The following RNF175 variants were observed in gnomAD, a reference collection of about 807,000 sequenced individuals.
RNF175 encodes the protein ring finger protein 175.
Under a neutral mutation model 50.0 loss-of-function variants are expected in RNF175, and 38 were observed. That is an observed-to-expected ratio of 0.76 (90% confidence interval 0.59 to 1.00). The LOEUF (loss-of-function observed/expected upper bound fraction) is 1.00. RNF175 is among the 50% of genes least tolerant of loss of function. RNF175 has a pLI of 0.00. For synonymous variants in RNF175, 155 were observed against 146.1 expected (o/e 1.06, Z -0.44); for missense variants, 388 against 409.6 (o/e 0.95, Z 0.46).
chr4:153,737,557 T>TG (rs1739416894), intron 3 of RNF175, among the ~76,000 whole-genome samples: 1 of 152,224 alleles, frequency 6.6e-6, no homozygotes, highest in Non-Finnish European at 1.5e-5. Flanking sequence ...GTTTCTTCTT[T>TG]GACCCATGTG....
intron 3 of RNF175, among the ~76,000 whole-genome samples, chr4:153,745,428 C>A (rs775598450): frequency 3.9e-5 from 6 of 152,216 alleles, no homozygotes; most frequent in Admixed American, 6.5e-5. Flanking sequence ...GTATGACTCT[C>A]TGGCTCTGGT....
chr4:153,729,222 T>C (rs1738895358), intron 3 of RNF175, among the ~76,000 whole-genome samples: 1 of 152,248 alleles, frequency 6.6e-6, no homozygotes, highest in Admixed American at 6.5e-5. Flanking sequence ...CACCTATTAT[T>C]TGCTCAGAAT....
At chr4:153,728,970 T>C (rs528749043) in intron 3 of RNF175, among the ~76,000 whole-genome samples, 1 of 152,336 alleles carries the variant, frequency 6.6e-6, no homozygotes, top group African/African-American at 2.4e-5. Flanking sequence ...TCTGTGCCAT[T>C]GACCTGAGTC....
chr4:153,759,935 C>G lies in RNF175; in HGVS notation c.-73G>C, dbSNP rs1740750360. 1.1e-6 allele frequency: 1 copy of G among 904,748 alleles called. No individual in the cohort carries two copies. Among genetic ancestry groups the G allele is most frequent in the Non-Finnish European group, 1.5e-6 (1 of 674,286 alleles). 56.0% of individuals were successfully genotyped at this position (904,748 alleles called of 1,614,324 possible). A position where few individuals can be genotyped will look rare whatever the true frequency, so the allele number is the denominator to read the frequency against. The stretch of plus-strand genomic sequence containing the variant: ...GTCCCGCAGAGTCCGCAGAAGGAGG[C>G]GCCGCGGGGCCTCGGGAGCCGAGGG... On this transcript the variant is annotated 5_prime_UTR_variant, in exon 1 of 9. Transcript: ENST00000347063.
chr4:153,744,926 C>CA (rs1739889165), intron 3 of RNF175, among the ~76,000 whole-genome samples: 1 of 152,106 alleles, frequency 6.6e-6, no homozygotes, highest in Non-Finnish European at 1.5e-5. Flanking sequence ...AGAAAATGTT[C>CA]AAAATTGCCT....
At chr4:153,729,935 A>C (rs780867432) in intron 3 of RNF175, 1 of 236,732 alleles carries the variant, frequency 4.2e-6, no homozygotes, top group Non-Finnish European at 6.9e-6. Context: ...ACTGCTTTAA[A>C]TTTCCATCCT....
intron 2 of RNF175, among the ~76,000 whole-genome samples, chr4:153,749,672 G>C (rs1477316557): frequency 1.3e-5 from 2 of 152,148 alleles, no homozygotes; most frequent in Non-Finnish European, 2.9e-5. Flanking sequence ...TGAAAACCTA[G>C]AGCAGTCGTT....
Position 153,759,790 on chromosome 4 carries a change from C to A in RNF175, c.66+7G>T. 8 of 1,478,552 alleles carry A rather than the reference C, an allele frequency of 5.4e-6. No homozygotes were observed. Among genetic ancestry groups the A allele is most frequent in the Non-Finnish European group, 6.2e-6 (7 of 1,121,760 alleles). The allele number at this position is 1,478,552 out of a possible 1,614,324, so 91.6% of individuals were successfully genotyped here. ...CGTCCCCCACGCCCGCGCCCCCGCGCCAGTACCTGCTCCTGCTGCGGGGGG... is the reference window on the plus strand; with the variant it reads ...CGTCCCCCACGCCCGCGCCCCCGCGACAGTACCTGCTCCTGCTGCGGGGGG... On this transcript the variant is annotated splice_region_variant and intron_variant, in intron 1 of 8. Transcript: ENST00000347063.
intron 3 of RNF175, among the ~76,000 whole-genome samples, chr4:153,743,543 G>T (rs1228350660): frequency 2.0e-5 from 3 of 148,806 alleles, no homozygotes; most frequent in East Asian, 3.9e-4. Flanking sequence ...CCTTGACTAT[G>T]GTGGGGGCAA....
chr4:153,719,997 A>G (rs768532856), intron 6 of RNF175, among the ~76,000 whole-genome samples, 187 bp downstream of exon 6: 1 of 152,256 alleles, frequency 6.6e-6, no homozygotes, highest in Non-Finnish European at 1.5e-5. Flanking sequence ...TAATTAACAA[A>G]GAATTTTTTG....
chr4:153,715,774 T>C, intron 6 of RNF175, 112 bp from the exon 7 acceptor site: 1 of 1,137,696 alleles, frequency 8.8e-7, no homozygotes, highest in African/African-American at 1.6e-5. Flanking sequence ...ACATAGAATC[T>C]CCACTGCGGC....
chr4:153,734,157 G>C (rs911554015), intron 3 of RNF175, among the ~76,000 whole-genome samples: 14 of 152,206 alleles, frequency 9.2e-5, no homozygotes, highest in Non-Finnish European at 1.8e-4. Context: ...TAAAGGTGCT[G>C]TAAATATTTG....
intron 3 of RNF175, among the ~76,000 whole-genome samples, chr4:153,747,250 G>C (rs911221234): frequency 1.3e-5 from 2 of 152,146 alleles, no homozygotes; most frequent in South Asian, 4.1e-4. Context: ...TCTTTACGTA[G>C]CCAGGCTGTG....
chr4:153,723,416 A>G lies in RNF175; in HGVS notation c.444T>C (p.Tyr148=), dbSNP rs1340892043. 3.7e-6 allele frequency: 6 copies of G among 1,607,806 alleles called. No homozygotes were observed. The highest frequency in any genetic ancestry group is 5.1e-6 in the Non-Finnish European group (6 of 1,174,884). ...CCAAGTAACCCACAACACCAAATGC[A>G]TAGCTGAGTTTGTAGATCAAAAGAA... ...KWFLLIYKLS[Y]AFGVVGYLAI... is the part of the protein sequence containing the mutation. Residue 148 remains tyrosine, a synonymous_variant, in exon 5 of 9, where the codon TAT becomes TAC. Coordinates refer to ENST00000347063, the MANE Select transcript of RNF175 (RefSeq NM_173662.4).
At chr4:153,738,063 T>G (rs976564397) in intron 3 of RNF175, among the ~76,000 whole-genome samples, 1 of 152,178 alleles carries the variant, frequency 6.6e-6, no homozygotes, top group South Asian at 2.1e-4. Context: ...TTTCTTTCTT[T>G]TTTTGAGGCA....
chr4:153,717,469 C>T (rs1370790174), intron 6 of RNF175, among the ~76,000 whole-genome samples: 1 of 151,896 alleles, frequency 6.6e-6, no homozygotes, highest in Non-Finnish European at 1.5e-5. Context: ...CCCCTAGGAC[C>T]TCTTAGCTGA....
At chr4:153,736,185 C>A (rs932246694) in intron 3 of RNF175, among the ~76,000 whole-genome samples, 2 of 152,192 alleles carry the variant, frequency 1.3e-5, no homozygotes, top group African/African-American at 4.8e-5. Flanking sequence ...CATGCTAGAC[C>A]TTGCCAAATG....
At chr4:153,751,612 C>T (rs1212404999) in intron 1 of RNF175, 137 bp from the exon 2 acceptor site, 12 of 641,138 alleles carry the variant, frequency 1.9e-5, no homozygotes, top group Admixed American at 1.0e-4. Context: ...GATAAAAGTC[C>T]TAGTAAAATA....
intron 3 of RNF175, among the ~76,000 whole-genome samples, chr4:153,740,627 C>T (rs1390517462): frequency 6.6e-6 from 1 of 152,182 alleles, no homozygotes; most frequent in Non-Finnish European, 1.5e-5. Context: ...CCTCTATGGC[C>T]TCTGGTAGCC....
Sources: allele counts gnomAD v4.1 joint callset (sites outside exome capture counted in the v4.1 genomes callset), GRCh38; gene constraint gnomAD v4.1.1; transcripts MANE v1.5; gene names NCBI Gene and HGNC (gene_info 2026-07-23, HGNC 2026-07-21).